Variants in SHISA9 observed in about 807,000 individuals in gnomAD.
The protein encoded by SHISA9 is shisa family member 9.
Under a neutral mutation model 38.0 loss-of-function variants are expected in SHISA9, and 13 were observed. The observed-to-expected ratio is 0.34, with a 90% confidence interval of 0.22 to 0.54. The LOEUF is 0.54. Ranked by LOEUF, SHISA9 falls within the 20% of genes least tolerant of loss-of-function variation. The probability of loss-of-function intolerance (pLI) is 0.91; values close to 1 mark genes in which losing one functional copy is unlikely to be tolerated. For missense variants in SHISA9, 538 were observed against 575.8 expected, an observed-to-expected ratio of 0.93 and a Z score of 0.67; for synonymous variants, 275 against 242.0, an observed-to-expected ratio of 1.14 and a Z score of -1.27.
chr16:13,372,816 T>C, the SHISA9 span, among the ~76,000 whole-genome samples: 1 of 152,062 alleles, frequency 6.6e-6, no homozygotes, highest in African/African-American at 2.4e-5. Flanking sequence ...TACTCCAGAG[T>C]AGTGTTTCTT....
chr16:13,321,482 G>C, the SHISA9 span, among the ~76,000 whole-genome samples: 2 of 152,128 alleles, frequency 1.3e-5, no homozygotes, highest in Non-Finnish European at 1.5e-5. Flanking sequence ...TTAAAATACA[G>C]CCACCCTTGG....
At chr16:13,008,855 C>T (rs1413688893) in intron 2 of SHISA9, among the ~76,000 whole-genome samples, 1 of 152,024 alleles carries the variant, frequency 6.6e-6, no homozygotes, top group Non-Finnish European at 1.5e-5. Context: ...AATGTGAGAA[C>T]AGACTAATAC....
chr16:13,303,578 C>G, the SHISA9 span, among the ~76,000 whole-genome samples: 1 of 152,022 alleles, frequency 6.6e-6, no homozygotes, highest in East Asian at 1.9e-4. Flanking sequence ...TGGTTTTTGC[C>G]AGGGTATGGA....
chr16:12,953,239 CAAA>C (rs869253149), intron 2 of SHISA9, among the ~76,000 whole-genome samples: 5 of 146,646 alleles, frequency 3.4e-5, no homozygotes, highest in South Asian at 2.2e-4. Context: ...ACAACAACAA[CAAA>C]AAACAGCCAA....
At chr16:13,278,419 C>G in the SHISA9 span, among the ~76,000 whole-genome samples, 1 of 151,830 alleles carries the variant, frequency 6.6e-6, no homozygotes, top group Non-Finnish European at 1.5e-5. Context: ...ATTAGGGTGA[C>G]GTTGGCTTCA....
At chr16:13,452,555 T>A in the SHISA9 span, among the ~76,000 whole-genome samples, 4 of 152,298 alleles carry the variant, frequency 2.6e-5, no homozygotes, top group Middle Eastern at 3.4e-3. Context: ...AACAAAAGTC[T>A]CCCAACTTAC....
Position 13,146,960 on chromosome 16 carries a change from G to A in SHISA9, c.692-56434G>A, listed in dbSNP as rs1311514999. 2.0e-5 allele frequency among the ~76,000 whole-genome samples: 3 copies of A among 152,152 alleles called. No individual in the cohort carries two copies. The East Asian group carries it at 5.8e-4, about 29-fold the overall frequency. On this transcript the variant is annotated intron_variant, in intron 2 of 4. Transcript: ENST00000558583. ...TACTTTTTGTTTGGCACATTCTAGA[G>A]CCTAAATGATCCACTGGAATCTATC...
chr16:13,028,767 G>T (rs1406849316), intron 2 of SHISA9, among the ~76,000 whole-genome samples: 2 of 152,128 alleles, frequency 1.3e-5, no homozygotes, highest in African/African-American at 2.4e-5. Context: ...TGGCATAGAG[G>T]GTCGTTGGAA....
At chr16:13,351,900 T>C in the SHISA9 span, among the ~76,000 whole-genome samples, 1 of 152,220 alleles carries the variant, frequency 6.6e-6, no homozygotes, top group African/African-American at 2.4e-5. Context: ...AACATACTGC[T>C]ATCCTGTGAA....
intron 2 of SHISA9, among the ~76,000 whole-genome samples, chr16:13,140,269 C>A (rs916547840): frequency 6.6e-6 from 1 of 151,168 alleles, no homozygotes; most frequent in Non-Finnish European, 1.5e-5. Flanking sequence ...CTCCACCTCC[C>A]GGATTCAAGG....
At chr16:13,290,587 G>A in the SHISA9 span, among the ~76,000 whole-genome samples, 1 of 152,156 alleles carries the variant, frequency 6.6e-6, no homozygotes, top group African/African-American at 2.4e-5. Context: ...AACCATTAAG[G>A]AAAATTCACA....
chr16:13,513,041 G>T, the SHISA9 span, among the ~76,000 whole-genome samples: 3 of 152,224 alleles, frequency 2.0e-5, no homozygotes, highest in South Asian at 6.2e-4. Flanking sequence ...CTGCTGCACA[G>T]CAAAAGAAAC....
the SHISA9 span, among the ~76,000 whole-genome samples, chr16:13,527,030 C>T: frequency 1.2e-4 from 19 of 152,180 alleles, no homozygotes; most frequent in African/African-American, 4.3e-4. Context: ...ACTTTTTCTC[C>T]ACCCCAAATG....
At chr16:13,411,384 T>C in the SHISA9 span, among the ~76,000 whole-genome samples, 3 of 152,186 alleles carry the variant, frequency 2.0e-5, no homozygotes, top group East Asian at 5.8e-4. Flanking sequence ...TTCTTTAACT[T>C]CTCTTCAACA....
chr16:12,978,154 C>G (rs765008734), intron 2 of SHISA9, among the ~76,000 whole-genome samples: 6 of 152,034 alleles, frequency 3.9e-5, no homozygotes, highest in Non-Finnish European at 5.9e-5. Flanking sequence ...ATGCTTTTCT[C>G]CAGAAAATAA....
At chr16:13,080,543 C>A (rs1050675261) in intron 2 of SHISA9, among the ~76,000 whole-genome samples, 1 of 150,978 alleles carries the variant, frequency 6.6e-6, no homozygotes, top group Admixed American at 6.6e-5. Flanking sequence ...TAATTTCTAG[C>A]TTCACCAAGA....
chr16:13,203,579 T>C, intron 3 of SHISA9, 30 bp downstream of exon 3: 18 of 1,453,200 alleles, frequency 1.2e-5, no homozygotes, highest in Non-Finnish European at 1.5e-5. Context: ...TCTTTTTCTC[T>C]TTCTCCTCTT....
chr16:13,321,710 G>A, the SHISA9 span, among the ~76,000 whole-genome samples: 12 of 152,314 alleles, frequency 7.9e-5, no homozygotes, highest in African/African-American at 2.6e-4. Flanking sequence ...CTCCAGGTGT[G>A]TCGGTGTATG....
At chr16:12,970,384 T>C (rs567335074) in intron 2 of SHISA9, among the ~76,000 whole-genome samples, 507 of 34,292 alleles carry the variant, frequency 0.015, 17 homozygotes, top group East Asian at 0.041. Context: ...TATATATACA[T>C]ATATGTATAT....
Sources: gnomAD v4.1 joint callset for allele counts (sites outside exome capture counted in the v4.1 genomes callset) on GRCh38, gnomAD v4.1.1 for gene constraint, MANE v1.5 for transcripts, NCBI Gene and HGNC (gene_info 2026-07-23, HGNC 2026-07-21) for gene names.